Variants in FOXP2 observed in about 807,000 individuals in gnomAD.
The protein encoded by FOXP2 is forkhead box protein P2.
In FOXP2, 12 loss-of-function variants were observed where a neutral mutation model predicts 115.8. The ratio of observed to expected loss-of-function variants is 0.10; its 90% CI spans 0.07 to 0.17. The LOEUF (loss-of-function observed/expected upper bound fraction) is 0.17, where lower values mean the gene tolerates loss of function less well. Among genes scored for constraint, FOXP2 ranks in the 10% least tolerant of loss-of-function variants. The probability of loss-of-function intolerance (pLI) is 1.00; values close to 1 mark genes in which losing one functional copy is unlikely to be tolerated. For missense variants in FOXP2, 629 were observed against 843.5 expected (o/e 0.75, Z 3.15); for synonymous variants, 328 against 297.7 (o/e 1.10, Z -1.05).
intron 1 of FOXP2, among the ~76,000 whole-genome samples, chr7:114,234,621 A>G (rs535936745): frequency 6.6e-6 from 1 of 152,336 alleles, no homozygotes; most frequent in South Asian, 2.1e-4. Context: ...AATTTCTTAC[A>G]TGAAAGATGA....
intron 2 of FOXP2, among the ~76,000 whole-genome samples, chr7:114,387,935 C>T (rs2129193514): frequency 6.6e-6 from 1 of 152,288 alleles, no homozygotes; most frequent in Non-Finnish European, 1.5e-5. Flanking sequence ...AATAGGATTG[C>T]TTCCTCGCAC....
At chr7:114,431,459 G>A (rs888307070) in intron 2 of FOXP2, among the ~76,000 whole-genome samples, 1 of 151,916 alleles carries the variant, frequency 6.6e-6, no homozygotes, top group Admixed American at 6.6e-5. Flanking sequence ...GAAAGTCTAA[G>A]TAACATTGCA....
intron 3 of FOXP2, among the ~76,000 whole-genome samples, chr7:114,616,975 A>T (rs1426768920): frequency 6.6e-6 from 1 of 152,234 alleles, no homozygotes; most frequent in African/African-American, 2.4e-5. Context: ...AGTCCTGCCT[A>T]CTTGGGAGGC....
At chr7:114,551,119 C>G (rs1241405396) in intron 3 of FOXP2, among the ~76,000 whole-genome samples, 1 of 152,070 alleles carries the variant, frequency 6.6e-6, no homozygotes, top group Non-Finnish European at 1.5e-5. Flanking sequence ...TATCATGCTC[C>G]AGAGGAAAAA....
At chr7:114,164,378 C>G (rs772436876) in intron 1 of FOXP2, among the ~76,000 whole-genome samples, 3 of 150,458 alleles carry the variant, frequency 2.0e-5, no homozygotes, top group Non-Finnish European at 4.4e-5. Flanking sequence ...TGGAGTCTCA[C>G]TCTGTCACCA....
intron 2 of FOXP2, among the ~76,000 whole-genome samples, chr7:114,310,929 T>A (rs961772133): frequency 6.6e-6 from 1 of 152,194 alleles, no homozygotes; most frequent in African/African-American, 2.4e-5. Flanking sequence ...ACCTTTTGAC[T>A]TGAGCCTTTA....
chr7:114,653,876 G>A, intron 9 of FOXP2, 50 bp from the exon 10 acceptor site: 1 of 1,530,718 alleles, frequency 6.5e-7, no homozygotes, highest in South Asian at 1.1e-5. Context: ...CAATAAAATA[G>A]CTGTATCAGT....
At position 114,560,253 on chromosome 7, in the gene FOXP2, A is replaced by G. The variant is rs1584895726; in HGVS notation, c.258+25547A>G. ...TTTTACATATTAAGTTGTGCTTTGT[A>G]CAATGTAAAGTCTGATTATACAAGC... On this transcript the variant is annotated intron_variant, in intron 3 of 16. Coordinates refer to ENST00000350908, the MANE Select transcript of FOXP2 (RefSeq NM_014491.4). Among the ~76,000 whole-genome samples the G allele has an allele frequency of 3.9e-5, 6 of 152,284 alleles. No homozygotes were observed. In the South Asian group the frequency reaches 1.2e-3, roughly 32 times the overall value.
chr7:114,415,383 A>T, intron 1 of FOXP2, 23 bp downstream of exon 1: 1 of 438,508 alleles, frequency 2.3e-6, no homozygotes, highest in Non-Finnish European at 4.5e-6. Flanking sequence ...TTGCTAAGAG[A>T]ATATCTGTAA....
chr7:114,271,971 T>C (rs1397684003), intron 1 of FOXP2, among the ~76,000 whole-genome samples: 2 of 133,328 alleles, frequency 1.5e-5, no homozygotes, highest in African/African-American at 5.6e-5. Flanking sequence ...TAATTATATA[T>C]AATATAATTA....
At chr7:114,231,839 C>T (rs1347306835) in intron 1 of FOXP2, among the ~76,000 whole-genome samples, 1 of 152,258 alleles carries the variant, frequency 6.6e-6, no homozygotes, top group East Asian at 1.9e-4. Context: ...ACCAAAAACA[C>T]TGGCAACAAA....
intron 6 of FOXP2, among the ~76,000 whole-genome samples, chr7:114,638,316 G>A (rs955459396): frequency 6.6e-6 from 1 of 152,046 alleles, no homozygotes; most frequent in Admixed American, 6.6e-5. Flanking sequence ...ACACATCTCA[G>A]AACTATTTTA....
At chr7:114,174,662 A>C (rs946304821) in intron 1 of FOXP2, among the ~76,000 whole-genome samples, 7 of 152,068 alleles carry the variant, frequency 4.6e-5, no homozygotes, top group African/African-American at 1.7e-4. Flanking sequence ...ATGTCCAAAA[A>C]GAGAAGTGTC....
chr7:114,354,365 T>C (rs1422867657), intron 2 of FOXP2, among the ~76,000 whole-genome samples: 1 of 152,126 alleles, frequency 6.6e-6, no homozygotes, highest in African/African-American at 2.4e-5. Context: ...ATAATAAGCC[T>C]GTCACACATA....
chr7:114,334,441 A>T (rs1797790749), intron 2 of FOXP2, among the ~76,000 whole-genome samples: 1 of 152,080 alleles, frequency 6.6e-6, no homozygotes, highest in African/African-American at 2.4e-5. Flanking sequence ...TAGAGCAGGG[A>T]TCATTTATAG....
chr7:114,650,403 T>C (rs1021063263), intron 8 of FOXP2, among the ~76,000 whole-genome samples: 1 of 146,704 alleles, frequency 6.8e-6, no homozygotes, highest in Non-Finnish European at 1.5e-5. Context: ...AATAAATATG[T>C]TTGTGTTCCC....
At chr7:114,431,878 A>G (rs1452619300) in intron 2 of FOXP2, among the ~76,000 whole-genome samples, 1 of 151,932 alleles carries the variant, frequency 6.6e-6, no homozygotes, top group East Asian at 1.9e-4. Context: ...TTTTTAAATA[A>G]TACAGTTCAA....
upstream of FOXP2, among the ~76,000 whole-genome samples, chr7:114,410,238 T>C (rs565518398): frequency 2.6e-5 from 4 of 152,208 alleles, no homozygotes; most frequent in Admixed American, 6.6e-5. Context: ...TAGTACTTGA[T>C]TGAGAGTTTT....
At chr7:114,681,267 T>C (rs1329649182) in intron 16 of FOXP2, among the ~76,000 whole-genome samples, 2 of 152,180 alleles carry the variant, frequency 1.3e-5, no homozygotes, top group African/African-American at 4.8e-5. Flanking sequence ...ATAGATGCTC[T>C]TTACATCATT....
Sources: allele counts gnomAD v4.1 joint callset (sites outside exome capture counted in the v4.1 genomes callset), GRCh38; gene constraint gnomAD v4.1.1; transcripts MANE v1.5; gene names NCBI Gene and HGNC (gene_info 2026-07-23, HGNC 2026-07-21).